ARHGAP22: variants seen among roughly 807,000 people sequenced by gnomAD.
ARHGAP22 encodes the protein Rho GTPase activating protein 22, also known as rho GTPase-activating protein 22.
In ARHGAP22, 48 loss-of-function variants were observed where a neutral mutation model predicts 59.1. The ratio of observed to expected loss-of-function variants is 0.81; its 90% CI spans 0.64 to 1.03. ARHGAP22 has a LOEUF of 1.03. Ranked by LOEUF, ARHGAP22 falls within the 50% of genes least tolerant of loss-of-function variation. ARHGAP22 has a pLI of 0.00. For synonymous variants in ARHGAP22, 445 were observed against 416.4 expected, an observed-to-expected ratio of 1.07 and a Z score of -0.84; for missense variants, 1,015 against 958.7, an observed-to-expected ratio of 1.06 and a Z score of -0.78.
At chr10:48,641,609 C>T (rs1204607180) in intron 1 of ARHGAP22, among the ~76,000 whole-genome samples, 1 of 152,078 alleles carries the variant, frequency 6.6e-6, no homozygotes, top group Admixed American at 6.5e-5. Context: ...ATAATAAGAG[C>T]TATTTATGAC....
chr10:48,466,996 G>A (rs1203354723), intron 4 of ARHGAP22, among the ~76,000 whole-genome samples: 1 of 152,232 alleles, frequency 6.6e-6, no homozygotes, highest in African/African-American at 2.4e-5. Context: ...TCCAGGTGAG[G>A]CAATGGAGGT....
intron 2 of ARHGAP22, 41 bp downstream of exon 2, chr10:48,582,912 C>T (rs1226749723): frequency 6.2e-7 from 1 of 1,605,254 alleles, no homozygotes; most frequent in Admixed American, 1.7e-5. Context: ...TTGTGGAGCC[C>T]TGCCACGATG....
chr10:48,438,392 G>T, the ARHGAP22 span: 1 of 152,234 alleles, frequency 6.6e-6, no homozygotes, highest in Non-Finnish European at 1.5e-5. Flanking sequence ...AAGCAGAAAT[G>T]TATAGTTTGG....
At chr10:48,524,578 C>T (rs1331230355) in intron 3 of ARHGAP22, among the ~76,000 whole-genome samples, 1 of 152,116 alleles carries the variant, frequency 6.6e-6, no homozygotes, top group Non-Finnish European at 1.5e-5. Context: ...GGCGCCCTCG[C>T]TGTGCAAGGG....
chr10:48,470,862 G>C (rs2048167068), intron 4 of ARHGAP22, among the ~76,000 whole-genome samples: 1 of 152,364 alleles, frequency 6.6e-6, no homozygotes, highest in South Asian at 2.1e-4. Context: ...AGAGCAAGCA[G>C]TGCTGGGGAG....
upstream of ARHGAP22, among the ~76,000 whole-genome samples, chr10:48,605,326 C>G (rs1353510260): frequency 6.9e-6 from 1 of 145,598 alleles, no homozygotes; most frequent in Non-Finnish European, 1.5e-5. Flanking sequence ...AGAAGGTAGC[C>G]GAGACCCCCC....
intron 1 of ARHGAP22, among the ~76,000 whole-genome samples, chr10:48,619,683 A>G (rs1168516622): frequency 1.3e-5 from 2 of 152,232 alleles, no homozygotes; most frequent in Non-Finnish European, 2.9e-5. Flanking sequence ...CTCATACTGT[A>G]TACTAAAATC....
intron 3 of ARHGAP22, among the ~76,000 whole-genome samples, chr10:48,553,254 C>T (rs2135290542): frequency 1.3e-5 from 2 of 152,382 alleles, no homozygotes; most frequent in Middle Eastern, 6.8e-3. Flanking sequence ...CCCTGAACTG[C>T]TCAGCAGCTG....
rs143823556 is a variant in ARHGAP22, at chr10:48,550,768, A to G, written c.322+4695T>C. On this transcript the variant is annotated intron_variant, in intron 3 of 9. Coordinates refer to ENST00000249601, the MANE Select transcript of ARHGAP22 (RefSeq NM_021226.4). ...GCAGTTCACTTACCCTAATACAAAA[A>G]AGCTAAGCTCACTGGAGAATAAACA... Among the ~76,000 whole-genome samples the G allele has an allele frequency of 7.9e-5, 12 of 152,328 alleles. No homozygotes were observed. In the East Asian group the frequency reaches 2.3e-3, roughly 29 times the overall value.
chr10:48,479,555 T>C (rs756285797), intron 4 of ARHGAP22, 81 bp downstream of exon 4: 9 of 1,608,430 alleles, frequency 5.6e-6, no homozygotes, highest in South Asian at 4.5e-5. Context: ...AGCAGGGTCT[T>C]TGGGGCTCAG....
At chr10:48,561,706 T>C (rs979034074) in intron 2 of ARHGAP22, among the ~76,000 whole-genome samples, 6 of 152,160 alleles carry the variant, frequency 3.9e-5, no homozygotes, top group Non-Finnish European at 8.8e-5. Context: ...ATAGAAGATA[T>C]AGGATTGGAA....
chr10:48,590,738 C>A (rs11591884), intron 1 of ARHGAP22, among the ~76,000 whole-genome samples: 19,320 of 152,132 alleles, frequency 0.13, 1,561 homozygotes, highest in Middle Eastern at 0.25. Context: ...GTAAACTTGG[C>A]GCTTGCTCTA....
At chr10:48,432,385 A>G in the ARHGAP22 span, among the ~76,000 whole-genome samples, 1 of 152,152 alleles carries the variant, frequency 6.6e-6, no homozygotes, top group East Asian at 1.9e-4. Flanking sequence ...AGAGTTGTAT[A>G]TTTTAAATCT....
intron 2 of ARHGAP22, among the ~76,000 whole-genome samples, chr10:48,579,752 C>T (rs1204965322): frequency 2.0e-5 from 3 of 152,190 alleles, no homozygotes; most frequent in African/African-American, 4.8e-5. Flanking sequence ...TCTGCTGGTG[C>T]AGCCCGTCCT....
intron 3 of ARHGAP22, among the ~76,000 whole-genome samples, chr10:48,555,241 G>A (rs552540154): frequency 1.8e-4 from 28 of 152,232 alleles, no homozygotes; most frequent in Admixed American, 5.2e-4. Context: ...AAAAATCCTC[G>A]TTTCGCATTA....
chr10:48,576,708 A>T (rs1257008240), intron 2 of ARHGAP22, among the ~76,000 whole-genome samples: 1 of 152,192 alleles, frequency 6.6e-6, no homozygotes, highest in Non-Finnish European at 1.5e-5. Flanking sequence ...TTCCCCTGCC[A>T]TTGCCTGAAT....
At chr10:48,654,024 T>G (rs181380210), upstream of ARHGAP22, among the ~76,000 whole-genome samples, 107 of 152,334 alleles carry the variant, frequency 7.0e-4, no homozygotes, top group African/African-American at 2.5e-3. Flanking sequence ...ATATCCATTT[T>G]CTCTTTGATC....
intron 4 of ARHGAP22, among the ~76,000 whole-genome samples, chr10:48,472,394 C>T (rs990480270): frequency 2.7e-5 from 4 of 147,586 alleles, no homozygotes; most frequent in South Asian, 2.2e-4. Context: ...TATGGTGGTA[C>T]GTGCCTGTAA....
chr10:48,488,672 G>A (rs987294262), intron 3 of ARHGAP22, among the ~76,000 whole-genome samples: 10 of 152,150 alleles, frequency 6.6e-5, no homozygotes, highest in African/African-American at 2.2e-4. Context: ...TAGGTTTTAC[G>A]GTCTTGCAGG....
Sources: gnomAD v4.1 joint callset for allele counts (sites outside exome capture counted in the v4.1 genomes callset) on GRCh38, gnomAD v4.1.1 for gene constraint, MANE v1.5 for transcripts, NCBI Gene and HGNC (gene_info 2026-07-23, HGNC 2026-07-21) for gene names.